The following WDR70 variants were observed in gnomAD, a reference collection of about 807,000 sequenced individuals.
WDR70 encodes the protein WD repeat-containing protein 70.
In WDR70, 53 loss-of-function variants were observed where a neutral mutation model predicts 88.6. That is an observed-to-expected ratio of 0.60 (90% CI 0.48 to 0.75). The LOEUF (loss-of-function observed/expected upper bound fraction) is 0.75. Ranked by LOEUF, WDR70 falls within the 30% of genes least tolerant of loss-of-function variation. The pLI, the probability that WDR70 is intolerant of heterozygous loss-of-function variation, is 0.00. For synonymous variants in WDR70, 280 were observed against 270.0 expected, an observed-to-expected ratio of 1.04 and a Z score of -0.36; for missense variants, 610 against 823.2, an observed-to-expected ratio of 0.74 and a Z score of 3.17.
chr5:37,382,618 G>A (rs1486446697), intron 3 of WDR70, among the ~76,000 whole-genome samples: 3 of 152,058 alleles, frequency 2.0e-5, no homozygotes, highest in Admixed American at 6.6e-5. Flanking sequence ...CACCATGTTA[G>A]CCAGGATGGT....
chr5:37,416,329 C>T (rs887644961), intron 5 of WDR70, among the ~76,000 whole-genome samples: 11 of 152,150 alleles, frequency 7.2e-5, no homozygotes, highest in South Asian at 2.1e-4. Flanking sequence ...GGCAACACAG[C>T]GAAACCCCGT....
chr5:37,398,556 A>G lies in WDR70; in HGVS notation c.492+1986A>G, dbSNP rs991293373. Among the ~76,000 whole-genome samples, 9 of 152,350 alleles carry G rather than the reference A, an allele frequency of 5.9e-5. No individual in the cohort carries two copies. In the East Asian group the frequency reaches 9.6e-4, roughly 16 times the overall value. ...CGTATTCCTTCTCAGTACATAGTAC[A>G]GCAAATTTGTCAATTTGCGTCTGTC... On this transcript the variant is annotated intron_variant, in intron 5 of 17. Transcript: ENST00000265107.
At chr5:37,410,730 GA>G (rs1193177054) in intron 5 of WDR70, among the ~76,000 whole-genome samples, 2 of 152,138 alleles carry the variant, frequency 1.3e-5, no homozygotes, top group Non-Finnish European at 1.5e-5. Context: ...TTTTATAAAT[GA>G]AAAGCTTGTG....
At chr5:37,705,450 T>C (rs1056182685) in intron 13 of WDR70, among the ~76,000 whole-genome samples, 1 of 152,090 alleles carries the variant, frequency 6.6e-6, no homozygotes, top group Non-Finnish European at 1.5e-5. Context: ...GAACTTCAAA[T>C]AGGAACAAAA....
chr5:37,664,063 G>T (rs1017389472), intron 10 of WDR70, among the ~76,000 whole-genome samples: 1 of 151,984 alleles, frequency 6.6e-6, no homozygotes, highest in African/African-American at 2.4e-5. Flanking sequence ...CAAAGCCACC[G>T]ACTGCAATTT....
chr5:37,394,987 T>C (rs1218146079), intron 4 of WDR70, among the ~76,000 whole-genome samples: 1 of 152,212 alleles, frequency 6.6e-6, no homozygotes, highest in Non-Finnish European at 1.5e-5. Flanking sequence ...CAGTAGATAT[T>C]GAGTGCCTGT....
intron 4 of WDR70, among the ~76,000 whole-genome samples, chr5:37,395,313 A>G (rs539285828): frequency 6.6e-6 from 1 of 152,078 alleles, no homozygotes; most frequent in East Asian, 1.9e-4. Context: ...TATGCCCTAG[A>G]CTCTCAAGCC....
At chr5:37,691,062 G>A (rs1025126656) in intron 10 of WDR70, among the ~76,000 whole-genome samples, 9 of 152,028 alleles carry the variant, frequency 5.9e-5, no homozygotes, top group African/African-American at 9.7e-5. Context: ...AAAAAAAAGC[G>A]GGGGTTGCAA....
intron 5 of WDR70, among the ~76,000 whole-genome samples, chr5:37,432,278 G>A (rs1381333823): frequency 6.6e-6 from 1 of 151,620 alleles, no homozygotes; most frequent in Non-Finnish European, 1.5e-5. Context: ...ATATTTCATT[G>A]TGCTTTTAAT....
intron 10 of WDR70, among the ~76,000 whole-genome samples, chr5:37,672,701 T>G (rs1311223346): frequency 6.6e-6 from 1 of 152,072 alleles, no homozygotes; most frequent in Non-Finnish European, 1.5e-5. Flanking sequence ...ATAGTGAAAA[T>G]AGCAATCAGT....
At chr5:37,442,424 C>T (rs985152735) in intron 6 of WDR70, among the ~76,000 whole-genome samples, 2 of 151,052 alleles carry the variant, frequency 1.3e-5, no homozygotes, top group East Asian at 2.0e-4. Context: ...TTGCAACCTC[C>T]GCCTCCCAAG....
intron 9 of WDR70, among the ~76,000 whole-genome samples, chr5:37,579,647 G>A (rs930104041): frequency 1.4e-5 from 2 of 142,814 alleles, no homozygotes; most frequent in Non-Finnish European, 3.1e-5. Context: ...TTAAAATATA[G>A]ATTTAATTAT....
chr5:37,388,017 T>C lies in WDR70; in HGVS notation c.176-3983T>C, dbSNP rs189709105. ...GAATTACGGTAAAACCCCAATAAAA[T>C]ATGTGCTGTGAAGGGTCTGGAAATG... On this transcript the variant is annotated intron_variant, in intron 3 of 17. Transcript: ENST00000265107. 1.5e-3 allele frequency among the ~76,000 whole-genome samples: 222 copies of C among 152,258 alleles called. 1 individual carries two copies. Among genetic ancestry groups the C allele is most frequent in the Non-Finnish European group, 1.9e-3 (129 of 68,018 alleles).
intron 17 of WDR70, among the ~76,000 whole-genome samples, chr5:37,731,973 G>T (rs1296147738): frequency 6.6e-6 from 1 of 152,124 alleles, no homozygotes; most frequent in African/African-American, 2.4e-5. Flanking sequence ...CCAGGTTATT[G>T]TTCTGACATC....
intron 9 of WDR70, among the ~76,000 whole-genome samples, chr5:37,585,977 C>T (rs1743353450): frequency 6.6e-6 from 1 of 152,166 alleles, no homozygotes. Context: ...GTAACTATAT[C>T]AGATATCAGA....
At chr5:37,389,009 A>G (rs1213545874) in intron 3 of WDR70, among the ~76,000 whole-genome samples, 1 of 152,052 alleles carries the variant, frequency 6.6e-6, no homozygotes, top group Non-Finnish European at 1.5e-5. Flanking sequence ...CTAGAGTACA[A>G]ATGCTGCTGC....
In WDR70 at chr5:37,528,323, G is replaced by A. The variant is rs1001483928; in HGVS notation, c.917+11733G>A. On this transcript the variant is annotated intron_variant, in intron 9 of 17. Transcript: ENST00000265107. ...CATAAAAAATGATGAGTTCATGTCC[G>A]TTGTATGGACATGGATGAAGCTGGA... is the stretch of plus-strand genomic sequence containing the variant. Among the ~76,000 whole-genome samples, 5 of 152,244 alleles carry A rather than the reference G, an allele frequency of 3.3e-5. No homozygotes were observed. In the East Asian group the frequency reaches 7.7e-4, roughly 24 times the overall value.
intron 7 of WDR70, among the ~76,000 whole-genome samples, chr5:37,467,216 G>T (rs1221358569): frequency 1.6e-5 from 2 of 121,438 alleles, no homozygotes; most frequent in African/African-American, 2.8e-5. Context: ...GACAGAATGA[G>T]ACTCTGTCTC....
intron 10 of WDR70, among the ~76,000 whole-genome samples, chr5:37,672,964 C>T (rs762589427): frequency 2.4e-4 from 37 of 151,830 alleles, no homozygotes; most frequent in Non-Finnish European, 1.9e-4. Flanking sequence ...ATCATGGAGG[C>T]GGGGGGGTTT....
Sources: allele counts gnomAD v4.1 joint callset (sites outside exome capture counted in the v4.1 genomes callset), GRCh38; gene constraint gnomAD v4.1.1; transcripts MANE v1.5; gene names NCBI Gene and HGNC (gene_info 2026-07-23, HGNC 2026-07-21).